Variants in MGAT5B observed in about 807,000 individuals in gnomAD.
MGAT5B encodes N-acetylglucosaminyl-transferase Vb.
A neutral mutation model predicts 95.1 loss-of-function variants in MGAT5B; 54 were observed. That is an observed-to-expected ratio of 0.57 (90% confidence interval 0.46 to 0.71). MGAT5B has a LOEUF of 0.71. MGAT5B is among the 30% of genes least tolerant of loss of function. MGAT5B has a pLI of 0.00. For synonymous variants in MGAT5B, 464 were observed against 451.0 expected (o/e 1.03, Z -0.36); for missense variants, 935 against 1,088.6 (o/e 0.86, Z 1.99).
At chr17:76,875,786 A>G (rs1377311211) in intron 2 of MGAT5B, among the ~76,000 whole-genome samples, 1 of 148,990 alleles carries the variant, frequency 6.7e-6, no homozygotes, top group Non-Finnish European at 1.5e-5. Flanking sequence ...CAGTGCTGCT[A>G]TGAATATTTC....
intron 3 of MGAT5B, among the ~76,000 whole-genome samples, chr17:76,899,896 C>T (rs752414166): frequency 7.9e-5 from 12 of 152,108 alleles, no homozygotes; most frequent in South Asian, 4.1e-4. Flanking sequence ...ACCTCCTAGA[C>T]GGGCAATAAT....
intron 3 of MGAT5B, among the ~76,000 whole-genome samples, chr17:76,897,221 ACT>A (rs528053781): frequency 1.2e-3 from 182 of 151,860 alleles, no homozygotes; most frequent in African/African-American, 4.2e-3. Flanking sequence ...CTGGTCCTGG[ACT>A]CTCTTTTGCG....
At chr17:76,933,813 C>T (rs765237574) in intron 12 of MGAT5B, among the ~76,000 whole-genome samples, 4 of 152,270 alleles carry the variant, frequency 2.6e-5, no homozygotes, top group South Asian at 4.1e-4. Flanking sequence ...TTTCAGAGGT[C>T]GGGAGGGCTG....
At position 76,906,131 on chromosome 17, in the gene MGAT5B, A is replaced by G; in HGVS notation, c.969A>G (p.Ala323=). The change falls in exon 8 of 18, where the codon GCA becomes GCG. Residue 323 remains alanine, a synonymous_variant. Coordinates refer to ENST00000569840, the MANE Select transcript of MGAT5B (RefSeq NM_001199172.2). The surrounding 1 kb of genome is among the most constrained non-coding windows in gnomAD (Gnocchi z 4.6). ...TGCAGTGGGCGGACATTCTGACTGC[A>G]CTCTATGTCCTGGGCCATGGCCTGC... The part of the protein sequence containing the change: ...EMVQWADILT[A]LYVLGHGLRV... 5 of 1,607,108 alleles carry G rather than the reference A, an allele frequency of 3.1e-6. No homozygotes were observed. The Middle Eastern group carries it at 5.0e-4, about 162-fold the overall frequency.
At chr17:76,907,376 T>C (rs1002808666) in intron 8 of MGAT5B, among the ~76,000 whole-genome samples, 1 of 152,184 alleles carries the variant, frequency 6.6e-6, no homozygotes, top group Non-Finnish European at 1.5e-5. Context: ...AGTTTTTTGT[T>C]TTTTCTTAAT....
At chr17:76,921,394 C>G (rs1969118717) in intron 8 of MGAT5B, among the ~76,000 whole-genome samples, 1 of 152,226 alleles carries the variant, frequency 6.6e-6, no homozygotes, top group South Asian at 2.1e-4. Flanking sequence ...TTAGTCAAGA[C>G]TTTGACTTCA....
Position 76,918,228 on chromosome 17 carries a change from C to T in MGAT5B, c.1026-6738C>T, listed in dbSNP as rs973546613. Among the ~76,000 whole-genome samples the T allele has an allele frequency of 6.6e-6, 1 of 152,168 alleles. No homozygotes were observed. The highest frequency in any genetic ancestry group is 2.4e-5 in the African/African-American group (1 of 41,424). ...CTTGTACCGCACCCCCACCCCCGCACCCATGCTTTGTGGTAGCTTCGGCTA... is the reference window on the plus strand; with the variant it reads ...CTTGTACCGCACCCCCACCCCCGCATCCATGCTTTGTGGTAGCTTCGGCTA... On this transcript the variant is annotated intron_variant, in intron 8 of 17. Coordinates refer to ENST00000569840, the MANE Select transcript of MGAT5B (RefSeq NM_001199172.2). This position sits in a 1 kb window ranked among gnomAD's most constrained non-coding sequence, Gnocchi z 5.1.
chr17:76,897,713 CTTTCTTTCTTTCTTTTTCTT>C (rs1232651585), intron 3 of MGAT5B, among the ~76,000 whole-genome samples: 187 of 92,670 alleles, frequency 2.0e-3, no homozygotes, highest in Middle Eastern at 4.9e-3. Flanking sequence ...TTCTTTCTTT[CTTTCTTTCTTTCTTTTTCTT>C]TTTTTTTTTT....
In MGAT5B at chr17:76,915,174, G is replaced by A. The variant is rs1968881414; in HGVS notation, c.1025+8987G>A. 1.3e-5 allele frequency among the ~76,000 whole-genome samples: 2 copies of A among 152,166 alleles called. No individual in the cohort carries two copies. The highest frequency in any genetic ancestry group is 2.4e-5 in the African/African-American group (1 of 41,420). On this transcript the variant is annotated intron_variant, in intron 8 of 17. Transcript: ENST00000569840. This position sits in a 1 kb window ranked among gnomAD's most constrained non-coding sequence, Gnocchi z 8.7. ...CTCATGTTTAAATGTGGCTGCAAAG[G>A]AGCCAGAACAGTAGGGAGGTTGTGG...
chr17:76,926,159 A>T (rs1483018822), intron 9 of MGAT5B, among the ~76,000 whole-genome samples: 4 of 152,132 alleles, frequency 2.6e-5, no homozygotes, highest in Non-Finnish European at 5.9e-5. Flanking sequence ...TCCTGGCCCT[A>T]TAGACTGGGC....
chr17:76,940,921 G>T lies in MGAT5B; in HGVS notation c.1848+73G>T, dbSNP rs1969845799. ...TGGTCTTCACTCTGATTAGAAAACG[G>T]TGCCCCCCTCTGGGTGAGTTCAGAC... On this transcript the variant is annotated intron_variant, in intron 15 of 17. Transcript: ENST00000569840. The surrounding 1 kb of genome is among the most constrained non-coding windows in gnomAD (Gnocchi z 4.3). The T allele has an allele frequency of 2.2e-6, 3 of 1,335,336 alleles. No homozygotes were observed. The highest frequency in any genetic ancestry group is 1.8e-5 in the Admixed American group (1 of 56,084). 82.7% of individuals were successfully genotyped at this position (1,335,336 alleles called of 1,614,324 possible).
At chr17:76,872,728 T>C in intron 1 of MGAT5B, 123 bp from the exon 2 acceptor site, 1 of 1,568,900 alleles carries the variant, frequency 6.4e-7, no homozygotes, top group South Asian at 1.2e-5. Flanking sequence ...CATCCTTTCA[T>C]TCTCCCTTGC....
Position 76,942,263 on chromosome 17 carries a change from C to T in MGAT5B, c.1848+1415C>T, listed in dbSNP as rs556161709. Reference sequence around the variant, plus strand: ...CAACTAGAGGCCAGGAGCAGGGGCTCACACCTGTAATCCCTGCACTTTGGG... The same window carrying T: ...CAACTAGAGGCCAGGAGCAGGGGCTTACACCTGTAATCCCTGCACTTTGGG... On this transcript the variant is annotated intron_variant, in intron 15 of 17. Coordinates refer to ENST00000569840, the MANE Select transcript of MGAT5B (RefSeq NM_001199172.2). 5.3e-5 allele frequency among the ~76,000 whole-genome samples: 8 copies of T among 152,244 alleles called. No individual in the cohort carries two copies. The South Asian group carries it at 1.2e-3, about 24-fold the overall frequency.
At chr17:76,942,048 C>T (rs1021855550) in intron 15 of MGAT5B, among the ~76,000 whole-genome samples, 6 of 152,140 alleles carry the variant, frequency 3.9e-5, no homozygotes, top group South Asian at 2.1e-4. Flanking sequence ...TCACCGGTGA[C>T]GGAGGGTGGG....
chr17:76,932,552 A>C (rs1969525704), intron 10 of MGAT5B, 93 bp from the exon 11 acceptor site: 2 of 1,563,098 alleles, frequency 1.3e-6, no homozygotes, highest in Middle Eastern at 1.7e-4. Context: ...ACCCCTGCCA[A>C]AAGAGGACCT....
chr17:76,948,903 G>A lies in MGAT5B; in HGVS notation c.*65G>A, dbSNP rs1366895588. ...TCTCCTGCCGCGGGAGAAAGCACCAGCAGGTTCTGAGCCCTGGCTGCTTGT... is the reference window on the plus strand; with the variant it reads ...TCTCCTGCCGCGGGAGAAAGCACCAACAGGTTCTGAGCCCTGGCTGCTTGT... On this transcript the variant is annotated 3_prime_UTR_variant, in exon 18 of 18. Transcript: ENST00000569840. 2.7e-6 allele frequency: 4 copies of A among 1,484,220 alleles called. No homozygotes were observed. Among genetic ancestry groups the A allele is most frequent in the Non-Finnish European group, 3.6e-6 (4 of 1,107,598 alleles). 91.9% of individuals were successfully genotyped at this position (1,484,220 alleles called of 1,614,324 possible). A position where few individuals can be genotyped will look rare whatever the true frequency, so the allele number is the denominator to read the frequency against.
At chr17:76,937,767 TA>T (rs2145269646) in intron 12 of MGAT5B, among the ~76,000 whole-genome samples, 1 of 152,320 alleles carries the variant, frequency 6.6e-6, no homozygotes, top group Admixed American at 6.5e-5. Flanking sequence ...GTTTCATGGC[TA>T]AAAGTAATCC....
chr17:76,927,197 G>T (rs1204230122), intron 10 of MGAT5B, among the ~76,000 whole-genome samples: 1 of 152,120 alleles, frequency 6.6e-6, no homozygotes, highest in Non-Finnish European at 1.5e-5. Context: ...GGCTTCCAGG[G>T]CTCCAGGCAA....
At chr17:76,877,438 C>T (rs1183285522) in intron 2 of MGAT5B, among the ~76,000 whole-genome samples, 2 of 152,028 alleles carry the variant, frequency 1.3e-5, no homozygotes, top group Non-Finnish European at 2.9e-5. Context: ...CCCTGCCAGA[C>T]CTCCCAGGCC....
Sources: allele counts gnomAD v4.1 joint callset (sites outside exome capture counted in the v4.1 genomes callset), GRCh38; gene constraint gnomAD v4.1.1; non-coding constraint Gnocchi (gnomAD v3.1); transcripts MANE v1.5; gene names NCBI Gene and HGNC (gene_info 2026-07-23, HGNC 2026-07-21).